The following CTNNA2 variants were observed in gnomAD, a reference collection of about 807,000 sequenced individuals.
The protein encoded by CTNNA2 is catenin alpha-2.
A neutral mutation model predicts 101.0 loss-of-function variants in CTNNA2; 42 were observed. The observed-to-expected ratio is 0.42, with a 90% CI of 0.32 to 0.54. The LOEUF (loss-of-function observed/expected upper bound fraction) is 0.54. CTNNA2 is among the 20% of genes least tolerant of loss of function. The pLI is 0.14. For missense variants in CTNNA2, 871 were observed against 1,223.1 expected (o/e 0.71, Z 4.29); for synonymous variants, 450 against 456.4 (o/e 0.99, Z 0.18).
At chr2:79,908,444 AC>A (rs1685567379) in intron 6 of CTNNA2, among the ~76,000 whole-genome samples, 1 of 151,934 alleles carries the variant, frequency 6.6e-6, no homozygotes, top group Non-Finnish European at 1.5e-5. Context: ...CTGAGAGTGC[AC>A]CCCCAATGAA....
chr2:80,494,313 G>GCA (rs953702639), intron 9 of CTNNA2, among the ~76,000 whole-genome samples: 1 of 152,182 alleles, frequency 6.6e-6, no homozygotes, highest in African/African-American at 2.4e-5. Context: ...TGGACAGGAA[G>GCA]CACACAGTCC....
chr2:79,714,142 A>G (rs1685921360), intron 2 of CTNNA2, among the ~76,000 whole-genome samples: 1 of 152,074 alleles, frequency 6.6e-6, no homozygotes, highest in African/African-American at 2.4e-5. Flanking sequence ...ATTTCCAAAC[A>G]TGAGTTATAC....
intron 7 of CTNNA2, among the ~76,000 whole-genome samples, chr2:80,142,266 A>T (rs1480212402): frequency 6.6e-6 from 1 of 152,074 alleles, no homozygotes; most frequent in Non-Finnish European, 1.5e-5. Context: ...CCTTACCTGT[A>T]AGTCATTGGG....
At chr2:79,867,102 C>T (rs182356498) in intron 4 of CTNNA2, among the ~76,000 whole-genome samples, 1 of 152,104 alleles carries the variant, frequency 6.6e-6, no homozygotes, top group Non-Finnish European at 1.5e-5. Context: ...TTGTTCAACT[C>T]GCAGTCCTGA....
chr2:79,741,206 T>C (rs1300572152), intron 2 of CTNNA2, among the ~76,000 whole-genome samples: 1 of 152,198 alleles, frequency 6.6e-6, no homozygotes, highest in Non-Finnish European at 1.5e-5. Context: ...TAAACTACTT[T>C]TGCTGCTTCC....
chr2:80,636,681 G>A (rs1306750629), intron 18 of CTNNA2, among the ~76,000 whole-genome samples: 11 of 152,130 alleles, frequency 7.2e-5, no homozygotes, highest in South Asian at 6.2e-4. Context: ...TGAAGTGGTC[G>A]TATAAAATAT....
chr2:80,555,707 G>A lies in CTNNA2; in HGVS notation c.1555G>A (p.Glu519Lys). 6.5e-7 allele frequency: 1 copy of A among 1,531,728 alleles called. No homozygotes were observed. Among genetic ancestry groups the A allele is most frequent in the Non-Finnish European group, 8.8e-7 (1 of 1,136,020 alleles). The allele number at this position is 1,531,728 out of a possible 1,614,324, so 94.9% of individuals were successfully genotyped here. Residue 519 changes from glutamate (E) to lysine (K), a missense_variant, in exon 12 of 19, where the codon GAG becomes AAG. Coordinates refer to ENST00000402739, the MANE Select transcript of CTNNA2 (RefSeq NM_001282597.3). ...CCTCTCCATAGAAAATCACATCTTG[G>A]AGGATGTGAACAAGTGTGTGATAGC... ...FLSVSENHIL[E>K]DVNKCVIALQ...
chr2:80,528,089 A>C (rs974274618), intron 9 of CTNNA2, among the ~76,000 whole-genome samples: 2 of 152,216 alleles, frequency 1.3e-5, no homozygotes, highest in Admixed American at 6.5e-5. Context: ...TATAGAATCA[A>C]TTCTTCTTGG....
At chr2:79,612,420 G>A (rs1244241666) in intron 1 of CTNNA2, among the ~76,000 whole-genome samples, 1 of 152,096 alleles carries the variant, frequency 6.6e-6, no homozygotes, top group Non-Finnish European at 1.5e-5. Flanking sequence ...TTGTTAGGTA[G>A]ACTGTTTTCA....
intron 1 of CTNNA2, among the ~76,000 whole-genome samples, chr2:79,187,254 TC>T (rs1346234654): frequency 7.1e-4 from 78 of 110,080 alleles, no homozygotes; most frequent in East Asian, 4.7e-3. Flanking sequence ...TCTTTTCTTT[TC>T]TTTTCTTTTC....
At chr2:80,380,811 G>A (rs1220239726) in intron 7 of CTNNA2, among the ~76,000 whole-genome samples, 1 of 152,140 alleles carries the variant, frequency 6.6e-6, no homozygotes, top group Non-Finnish European at 1.5e-5. Flanking sequence ...CATAGACACA[G>A]TGTACGCTAC....
At chr2:80,432,807 T>C (rs1681664116) in intron 9 of CTNNA2, among the ~76,000 whole-genome samples, 2 of 152,142 alleles carry the variant, frequency 1.3e-5, no homozygotes, top group South Asian at 4.1e-4. Flanking sequence ...ATTTTATTAC[T>C]TAATTTTTTT....
At chr2:80,388,448 A>G (rs1000677344) in intron 7 of CTNNA2, among the ~76,000 whole-genome samples, 2 of 152,222 alleles carry the variant, frequency 1.3e-5, no homozygotes, top group African/African-American at 4.8e-5. Flanking sequence ...CTGCCTGTCA[A>G]TTCCCAGCCC....
intron 7 of CTNNA2, among the ~76,000 whole-genome samples, chr2:80,214,219 G>T (rs924560077): frequency 4.6e-5 from 7 of 152,066 alleles, no homozygotes; most frequent in African/African-American, 1.2e-4. Flanking sequence ...TACATTTAAG[G>T]TTAATATTGT....
chr2:79,784,256 C>A (rs150766488), intron 3 of CTNNA2, among the ~76,000 whole-genome samples: 29 of 152,116 alleles, frequency 1.9e-4, no homozygotes, highest in Admixed American at 2.0e-4. Context: ...TGGTTAAAGA[C>A]CTGCATATTC....
intron 7 of CTNNA2, among the ~76,000 whole-genome samples, chr2:80,149,993 G>A (rs1272826065): frequency 1.3e-5 from 2 of 152,118 alleles, no homozygotes; most frequent in Non-Finnish European, 2.9e-5. Flanking sequence ...ACCTCCACCT[G>A]CATCTGTTGG....
At chr2:79,882,905 T>C (rs1318173618) in intron 6 of CTNNA2, among the ~76,000 whole-genome samples, 1 of 146,120 alleles carries the variant, frequency 6.8e-6, no homozygotes, top group East Asian at 2.0e-4. Context: ...CCGGCTGTGT[T>C]GCATGCTCAC....
chr2:80,518,818 G>C (rs1281573257), intron 9 of CTNNA2, among the ~76,000 whole-genome samples: 1 of 151,988 alleles, frequency 6.6e-6, no homozygotes, highest in East Asian at 1.9e-4. Context: ...AAACTCTATA[G>C]CCCATTATTT....
intron 7 of CTNNA2, among the ~76,000 whole-genome samples, chr2:80,343,241 T>C (rs1672398280): frequency 6.6e-6 from 1 of 152,154 alleles, no homozygotes; most frequent in African/African-American, 2.4e-5. Context: ...CTAGGGCTTA[T>C]AATTTTTTAA....
Sources: allele counts gnomAD v4.1 joint callset (sites outside exome capture counted in the v4.1 genomes callset), GRCh38; gene constraint gnomAD v4.1.1; transcripts MANE v1.5; gene names NCBI Gene and HGNC (gene_info 2026-07-23, HGNC 2026-07-21).